The following NDUFA10 variants were observed in gnomAD, a reference collection of about 807,000 sequenced individuals.
NDUFA10 encodes the protein NADH:ubiquinone oxidoreductase subunit A10, also known as NADH dehydrogenase [ubiquinone] 1 alpha subcomplex subunit 10, mitochondrial.
In NDUFA10, 40 loss-of-function variants were observed where a neutral mutation model predicts 47.8. The observed-to-expected ratio is 0.84, with a 90% CI of 0.65 to 1.09. The LOEUF is 1.09. Ranked by LOEUF, NDUFA10 falls within the 50% of genes least tolerant of loss-of-function variation. The probability of loss-of-function intolerance (pLI) is 0.00; values close to 1 mark genes in which losing one functional copy is unlikely to be tolerated. For missense variants in NDUFA10, 413 were observed against 451.1 expected, an observed-to-expected ratio of 0.92 and a Z score of 0.76; for synonymous variants, 183 against 172.2, an observed-to-expected ratio of 1.06 and a Z score of -0.49.
intron 4 of NDUFA10, among the ~76,000 whole-genome samples, chr2:239,937,441 C>T (rs1161312918): frequency 6.6e-6 from 1 of 152,174 alleles, no homozygotes; most frequent in Non-Finnish European, 1.5e-5. Context: ...CAGTTCTGGA[C>T]ATGTCAAGTA....
In NDUFA10 at chr2:239,961,086, C is replaced by A; in HGVS notation, c.*32G>T. ...TGCGGCTGATGCAGCTTGGCCATCA[C>A]TGTGATGCAGCTGGAGCAGAAGGCG... On this transcript the variant is annotated 3_prime_UTR_variant, in exon 10 of 10. Coordinates refer to ENST00000252711, the MANE Select transcript of NDUFA10 (RefSeq NM_004544.4). 2 of 1,613,892 alleles carry A rather than the reference C, an allele frequency of 1.2e-6. No homozygotes were observed. Among genetic ancestry groups the A allele is most frequent in the Non-Finnish European group, 1.7e-6 (2 of 1,179,920 alleles).
At chr2:239,925,643 G>A (rs574279866) in intron 4 of NDUFA10, among the ~76,000 whole-genome samples, 18 of 152,262 alleles carry the variant, frequency 1.2e-4, no homozygotes, top group African/African-American at 3.1e-4. Context: ...GACTTGACTC[G>A]TAAAGTATTA....
chr2:240,018,652 AG>A lies in NDUFA10; in HGVS notation c.461-14del, dbSNP rs1559403606. 1.2e-6 allele frequency: 2 copies of A among 1,613,826 alleles called. No individual in the cohort carries two copies. The highest frequency in any genetic ancestry group is 1.7e-6 in the Non-Finnish European group (2 of 1,179,718). On this transcript the variant is annotated splice_polypyrimidine_tract_variant and intron_variant, in intron 3 of 9. Coordinates refer to ENST00000252711, the MANE Select transcript of NDUFA10 (RefSeq NM_004544.4). ...ACAACACCTTGTCCTGTTTAAACAT[AG>A]GCAAACAGAAATTGAAAATCAGACA...
At chr2:239,907,444 A>T (rs183239999) in intron 4 of NDUFA10, among the ~76,000 whole-genome samples, 3,189 of 152,320 alleles carry the variant, frequency 0.021, 119 homozygotes, top group African/African-American at 0.072. Flanking sequence ...AGAAACTACC[A>T]TCAGAGTGAA....
chr2:240,000,781 A>G (rs1033740457), intron 8 of NDUFA10, among the ~76,000 whole-genome samples: 9 of 152,232 alleles, frequency 5.9e-5, no homozygotes, highest in Admixed American at 5.2e-4. Context: ...TCGTGTTACA[A>G]CTGCCAACAG....
chr2:239,953,049 G>GAACAGGGCCCC (rs376536031), downstream of NDUFA10, among the ~76,000 whole-genome samples: 32 of 152,364 alleles, frequency 2.1e-4, no homozygotes, highest in African/African-American at 7.5e-4. Flanking sequence ...GTGGTGCACA[G>GAACAGGGCCCC]AACAGGGCCC....
chr2:239,949,392 T>C (rs1694512872), intron 4 of NDUFA10, among the ~76,000 whole-genome samples: 1 of 152,174 alleles, frequency 6.6e-6, no homozygotes, highest in East Asian at 1.9e-4. Flanking sequence ...GCATGTGACC[T>C]GGTGGATTCG....
At chr2:239,990,329 G>C (rs1291118717) in intron 8 of NDUFA10, 147 bp from the exon 9 acceptor site, 4 of 705,074 alleles carry the variant, frequency 5.7e-6, no homozygotes, top group African/African-American at 5.3e-5. Context: ...CATCCCAGCA[G>C]CAAAGCCTTC....
At chr2:240,006,728 A>G (rs1297597826) in intron 7 of NDUFA10, among the ~76,000 whole-genome samples, 1 of 152,230 alleles carries the variant, frequency 6.6e-6, no homozygotes, top group Admixed American at 6.5e-5. Flanking sequence ...TAACTTTGCC[A>G]AACTGAAGAT....
chr2:240,022,452 C>T, intron 1 of NDUFA10, 112 bp from the exon 2 acceptor site: 1 of 1,454,406 alleles, frequency 6.9e-7, no homozygotes, highest in Non-Finnish European at 9.4e-7. Context: ...AAAATGCCAA[C>T]ATCTACATCT....
intron 3 of NDUFA10, among the ~76,000 whole-genome samples, chr2:240,020,494 T>C (rs75092462): frequency 6.6e-6 from 1 of 152,210 alleles, no homozygotes; most frequent in Admixed American, 6.5e-5. Context: ...CCAGAATGAT[T>C]ACAGTAACCC....
chr2:239,923,024 G>A (rs1321860758), intron 4 of NDUFA10, among the ~76,000 whole-genome samples: 3 of 152,184 alleles, frequency 2.0e-5, no homozygotes, highest in Non-Finnish European at 2.9e-5. Flanking sequence ...AGCTATATAT[G>A]TTATCAGATA....
chr2:239,983,168 G>A (rs1171283186), intron 9 of NDUFA10, among the ~76,000 whole-genome samples: 1 of 152,158 alleles, frequency 6.6e-6, no homozygotes, highest in African/African-American at 2.4e-5. Context: ...ACTACCGGAG[G>A]GGAGGGAGCT....
At chr2:239,952,603 T>C (rs2106384981), downstream of NDUFA10, among the ~76,000 whole-genome samples, 1 of 147,752 alleles carries the variant, frequency 6.8e-6, no homozygotes, top group East Asian at 1.9e-4. Context: ...CAGCCTCCCC[T>C]CTCTTCCTCC....
chr2:239,985,474 CAAA>C (rs879441423), intron 9 of NDUFA10, among the ~76,000 whole-genome samples: 3 of 120,522 alleles, frequency 2.5e-5, no homozygotes, highest in Non-Finnish European at 3.5e-5. Flanking sequence ...GATGCACACT[CAAA>C]AAAAAAAAAA....
chr2:239,932,949 A>G (rs1489976358), intron 4 of NDUFA10, among the ~76,000 whole-genome samples: 1 of 152,188 alleles, frequency 6.6e-6, no homozygotes, highest in Non-Finnish European at 1.5e-5. Context: ...AGCCTACACT[A>G]TGAGCGAGAC....
chr2:239,990,076 C>T lies in NDUFA10; in HGVS notation c.997G>A (p.Glu333Lys). 2 of 1,603,960 alleles carry T rather than the reference C, an allele frequency of 1.2e-6. No individual in the cohort carries two copies. The highest frequency in any genetic ancestry group is 4.5e-5 in the East Asian group (2 of 44,832). ...TTTCTCCATTTCCACAGTCTTACCT[C>T]TCTGAACTGATGTAAGACACGGTCA... ...QTDRVLHQFR[E>K]LPGRKYSPGY... is the part of the protein sequence containing the mutation. The change falls in exon 9 of 10, where the codon GAG becomes AAG. Residue 333 changes from glutamate (E) to lysine (K), a missense_variant and splice_region_variant. Transcript: ENST00000252711.
intron 4 of NDUFA10, among the ~76,000 whole-genome samples, chr2:239,923,125 C>G (rs1694015914): frequency 6.6e-6 from 1 of 152,134 alleles, no homozygotes; most frequent in Non-Finnish European, 1.5e-5. Context: ...GAAGACACAG[C>G]AATCCAAAAT....
At chr2:239,965,309 G>T (rs540439878) in intron 9 of NDUFA10, among the ~76,000 whole-genome samples, 1 of 152,080 alleles carries the variant, frequency 6.6e-6, no homozygotes, top group South Asian at 2.1e-4. Flanking sequence ...CCATGCGGGG[G>T]GGGAGGGGTT....
Sources: gnomAD v4.1 joint callset for allele counts (sites outside exome capture counted in the v4.1 genomes callset) on GRCh38, gnomAD v4.1.1 for gene constraint, MANE v1.5 for transcripts, NCBI Gene and HGNC (gene_info 2026-07-23, HGNC 2026-07-21) for gene names.